The following EFCAB6 variants were observed in gnomAD, a reference collection of about 807,000 sequenced individuals.
EFCAB6 encodes the protein EF-hand calcium-binding domain-containing protein 6.
Under a neutral mutation model 169.8 loss-of-function variants are expected in EFCAB6, and 156 were observed. The observed-to-expected ratio is 0.92, with a 90% CI of 0.81 to 1.05. EFCAB6 has a LOEUF of 1.05. Among genes scored for constraint, EFCAB6 ranks in the 50% least tolerant of loss-of-function variants. The pLI is 0.00. For missense variants in EFCAB6, 1,800 were observed against 1,829.1 expected, an observed-to-expected ratio of 0.98 and a Z score of 0.29; for synonymous variants, 698 against 676.4, an observed-to-expected ratio of 1.03 and a Z score of -0.50.
chr22:43,649,657 T>C (rs997752630), intron 17 of EFCAB6, among the ~76,000 whole-genome samples: 1 of 152,142 alleles, frequency 6.6e-6, no homozygotes, highest in East Asian at 1.9e-4. Flanking sequence ...GAATGGCTAA[T>C]GTTCTGCTTG....
At chr22:43,559,079 A>G (rs1331094227) in intron 26 of EFCAB6, among the ~76,000 whole-genome samples, 1 of 152,234 alleles carries the variant, frequency 6.6e-6, no homozygotes, top group African/African-American at 2.4e-5. Context: ...TGAACAGGCA[A>G]CCTACAGAAT....
Position 43,528,856 on chromosome 22 carries a change from C to A in EFCAB6, c.4503G>T (p.Gln1501His). 1 of 1,607,064 alleles carries A rather than the reference C, an allele frequency of 6.2e-7. No homozygotes were observed. The highest frequency in any genetic ancestry group is 8.5e-7 in the Non-Finnish European group (1 of 1,174,224). ...GCTGGGCACACAGCAGGGGTGTCTA[C>A]TGGAGGAATGCCCGGAGGAAGTCGT... Reference protein sequence around the residue: ...SYNDFLRAFLQ With the variant: ...SYNDFLRAFLH The change falls in exon 32 of 32, where the codon CAG becomes CAT. Residue 1501 changes from glutamine to histidine, a missense_variant. By Grantham distance (24) the Gln-to-His change is conservative. Transcript: ENST00000262726.
At chr22:43,651,127 G>A (rs963120688) in intron 17 of EFCAB6, among the ~76,000 whole-genome samples, 1 of 152,222 alleles carries the variant, frequency 6.6e-6, no homozygotes, top group Non-Finnish European at 1.5e-5. Flanking sequence ...TGGTGAAAAT[G>A]TCTCCAGGGC....
intron 10 of EFCAB6, among the ~76,000 whole-genome samples, chr22:43,703,888 C>T (rs576520530): frequency 6.6e-6 from 1 of 151,608 alleles, no homozygotes; most frequent in African/African-American, 2.4e-5. Flanking sequence ...CATCAAGGGA[C>T]CTAATATACA....
chr22:43,642,283 A>G (rs1240032800), intron 17 of EFCAB6, among the ~76,000 whole-genome samples: 2 of 152,190 alleles, frequency 1.3e-5, no homozygotes, highest in African/African-American at 2.4e-5. Flanking sequence ...GGAAACCTGT[A>G]GCCTAAATTC....
intron 17 of EFCAB6, among the ~76,000 whole-genome samples, chr22:43,658,992 G>A (rs955695134): frequency 2.7e-4 from 41 of 152,194 alleles, no homozygotes; most frequent in African/African-American, 5.8e-4. Context: ...CCTTTGCTCC[G>A]TGTGCTGAAT....
intron 24 of EFCAB6, among the ~76,000 whole-genome samples, chr22:43,581,689 G>A (rs922249756): frequency 5.3e-5 from 8 of 152,204 alleles, no homozygotes; most frequent in South Asian, 2.1e-4. Flanking sequence ...TTGGAATGCC[G>A]GTAAGGTGGA....
chr22:43,784,615 A>G (rs1223185709), intron 2 of EFCAB6, among the ~76,000 whole-genome samples: 2 of 95,182 alleles, frequency 2.1e-5, no homozygotes, highest in Admixed American at 1.0e-4. Flanking sequence ...ATATATGTGT[A>G]TATATACACA....
chr22:43,648,940 G>A (rs1319842693), intron 17 of EFCAB6, among the ~76,000 whole-genome samples: 3 of 152,256 alleles, frequency 2.0e-5, no homozygotes, highest in Admixed American at 1.3e-4. Context: ...CCCCATCCCC[G>A]CCAAGCTTAC....
At chr22:43,626,029 A>T (rs543338883) in intron 20 of EFCAB6, among the ~76,000 whole-genome samples, 48 of 152,358 alleles carry the variant, frequency 3.2e-4, no homozygotes, top group African/African-American at 1.2e-3. Context: ...TAATACATAG[A>T]AAAATAAGTA....
chr22:43,588,417 A>T (rs938497819), intron 24 of EFCAB6, among the ~76,000 whole-genome samples: 4 of 152,246 alleles, frequency 2.6e-5, no homozygotes, highest in African/African-American at 9.6e-5. Flanking sequence ...TGTTATAAAA[A>T]AGGAACACAC....
intron 6 of EFCAB6, among the ~76,000 whole-genome samples, chr22:43,755,558 A>C (rs2060926088): frequency 6.6e-6 from 1 of 152,236 alleles, no homozygotes; most frequent in South Asian, 2.1e-4. Flanking sequence ...GTCACTCATC[A>C]AAAGAGATGC....
intron 12 of EFCAB6, among the ~76,000 whole-genome samples, chr22:43,681,508 GAA>G (rs1391772434): frequency 1.3e-5 from 2 of 152,178 alleles, no homozygotes; most frequent in African/African-American, 2.4e-5. Flanking sequence ...TGTATTTTCT[GAA>G]AGTTTGTGAA....
At chr22:43,616,340 A>G (rs1260229804) in intron 20 of EFCAB6, among the ~76,000 whole-genome samples, 1 of 152,232 alleles carries the variant, frequency 6.6e-6, no homozygotes, top group Non-Finnish European at 1.5e-5. Flanking sequence ...TCTCAGTCTC[A>G]GCTCATTTTC....
chr22:43,678,818 C>A (rs890184013), intron 12 of EFCAB6, among the ~76,000 whole-genome samples: 1 of 152,032 alleles, frequency 6.6e-6, no homozygotes, highest in Non-Finnish European at 1.5e-5. Context: ...AATAAAGAAC[C>A]TTTACCTCAT....
At chr22:43,624,046 C>T (rs1272455798) in intron 20 of EFCAB6, among the ~76,000 whole-genome samples, 1 of 152,136 alleles carries the variant, frequency 6.6e-6, no homozygotes, top group Non-Finnish European at 1.5e-5. Flanking sequence ...GAGCTCAAAT[C>T]CCTGCCCCAC....
intron 2 of EFCAB6, among the ~76,000 whole-genome samples, chr22:43,789,987 A>G (rs140301647): frequency 6.6e-6 from 1 of 152,342 alleles, no homozygotes; most frequent in East Asian, 1.9e-4. Flanking sequence ...ACAGAATCAG[A>G]CTAGATGATG....
At chr22:43,735,199 A>G (rs535222890) in intron 7 of EFCAB6, among the ~76,000 whole-genome samples, 2 of 152,234 alleles carry the variant, frequency 1.3e-5, no homozygotes, top group African/African-American at 4.8e-5. Context: ...GGAGGCTCAA[A>G]AAAATGCCCG....
chr22:43,552,241 G>C (rs1259463957), intron 27 of EFCAB6: 1 of 152,070 alleles, frequency 6.6e-6, no homozygotes. Context: ...CTTTGCTATT[G>C]TGAAAAGCGC....
Sources: allele counts gnomAD v4.1 joint callset (sites outside exome capture counted in the v4.1 genomes callset), GRCh38; gene constraint gnomAD v4.1.1; transcripts MANE v1.5; gene names NCBI Gene and HGNC (gene_info 2026-07-23, HGNC 2026-07-21).